The following FAM135A variants were observed in gnomAD, a reference collection of about 807,000 sequenced individuals.
FAM135A encodes the protein protein FAM135A.
Under a neutral mutation model 146.8 loss-of-function variants are expected in FAM135A, and 79 were observed. The observed-to-expected ratio is 0.54, with a 90% CI of 0.45 to 0.65. The LOEUF is 0.65. Ranked by LOEUF, FAM135A falls within the 30% of genes least tolerant of loss-of-function variation. The probability of loss-of-function intolerance (pLI) is 0.00; values close to 1 mark genes in which losing one functional copy is unlikely to be tolerated. For synonymous variants in FAM135A, 562 were observed against 603.6 expected, an observed-to-expected ratio of 0.93 and a Z score of 1.01; for missense variants, 1,623 against 1,758.2, an observed-to-expected ratio of 0.92 and a Z score of 1.38.
chr6:70,457,624 A>C (rs1012786948), intron 5 of FAM135A, among the ~76,000 whole-genome samples: 4 of 152,160 alleles, frequency 2.6e-5, no homozygotes, highest in Non-Finnish European at 5.9e-5. Context: ...AAATGAATTT[A>C]TTTTATGGAC....
intron 12 of FAM135A, among the ~76,000 whole-genome samples, chr6:70,511,831 G>A (rs924990237): frequency 4.0e-5 from 6 of 151,758 alleles, no homozygotes; most frequent in Admixed American, 3.3e-4. Context: ...TTACTCCTAC[G>A]CTACAAACCT....
At chr6:70,505,771 G>A (rs377550076) in intron 12 of FAM135A, among the ~76,000 whole-genome samples, 16 of 151,530 alleles carry the variant, frequency 1.1e-4, no homozygotes, top group African/African-American at 2.9e-4. Flanking sequence ...TTGTCTTTTC[G>A]AAAAAGCAAT....
intron 20 of FAM135A, 147 bp downstream of exon 20, chr6:70,538,548 T>C: frequency 2.3e-6 from 1 of 428,686 alleles, no homozygotes; most frequent in African/African-American, 2.0e-5. Context: ...AACAGCAAAC[T>C]CAGAACTGAA....
At position 70,525,913 on chromosome 6, in the gene FAM135A, C is replaced by T; in HGVS notation, c.2829C>T (p.Asn943=). The T allele has an allele frequency of 6.2e-7, 1 of 1,613,344 alleles. No homozygotes were observed. The highest frequency in any genetic ancestry group is 8.5e-7 in the Non-Finnish European group (1 of 1,179,578). Residue 943 remains asparagine, a synonymous_variant, in exon 15 of 22, where the codon AAC becomes AAT. Coordinates refer to ENST00000418814, the MANE Select transcript of FAM135A (RefSeq NM_001162529.3). ...DVKSSCSSKP[N]LDTMCKGFQS... ...AAAGTAGTTGCAGCTCCAAACCTAA[C>T]TTGGATACTATGTGTAAAGGCTTCC...
chr6:70,461,907 G>A (rs1779517860), intron 5 of FAM135A, among the ~76,000 whole-genome samples: 1 of 152,154 alleles, frequency 6.6e-6, no homozygotes, highest in Admixed American at 6.5e-5. Flanking sequence ...CAGTGTGTAT[G>A]TAAAAATTAA....
chr6:70,490,397 A>C (rs939721719), intron 10 of FAM135A, among the ~76,000 whole-genome samples: 5 of 152,056 alleles, frequency 3.3e-5, no homozygotes, highest in Non-Finnish European at 1.5e-5. Context: ...TTCCTGGTAA[A>C]TATTATCATT....
chr6:70,472,892 G>A (rs6906572), intron 5 of FAM135A, among the ~76,000 whole-genome samples: 7,027 of 152,206 alleles, frequency 0.046, 359 homozygotes, highest in African/African-American at 0.11. Context: ...TAGGTGATAC[G>A]TGGTTTCTAT....
intron 5 of FAM135A, among the ~76,000 whole-genome samples, chr6:70,468,029 CT>C (rs1375633986): frequency 3.9e-5 from 6 of 152,202 alleles, no homozygotes; most frequent in East Asian, 3.9e-4. Flanking sequence ...TTGTCTGAGC[CT>C]CATTTTAGGG....
chr6:70,492,187 A>G (rs1215630744), intron 11 of FAM135A, among the ~76,000 whole-genome samples: 1 of 151,894 alleles, frequency 6.6e-6, no homozygotes, highest in Non-Finnish European at 1.5e-5. Flanking sequence ...TCTCTAAAAG[A>G]ATAAAAAGAC....
intron 12 of FAM135A, among the ~76,000 whole-genome samples, chr6:70,507,086 T>C (rs928726465): frequency 6.6e-6 from 1 of 152,028 alleles, no homozygotes; most frequent in African/African-American, 2.4e-5. Flanking sequence ...CTTTGGAATT[T>C]TACCTAGCGC....
chr6:70,541,761 C>G (rs1797967254), intron 20 of FAM135A, among the ~76,000 whole-genome samples: 1 of 152,134 alleles, frequency 6.6e-6, no homozygotes, highest in East Asian at 1.9e-4. Flanking sequence ...TGCTTCAAAT[C>G]TAGTGTTTTC....
chr6:70,498,276 T>C (rs143574634), intron 11 of FAM135A, among the ~76,000 whole-genome samples: 3,108 of 152,330 alleles, frequency 0.02, 103 homozygotes, highest in African/African-American at 0.07. Context: ...GTGTTGATAG[T>C]ATTCTCTGAT....
At chr6:70,427,270 G>A (rs552337192) in intron 3 of FAM135A, among the ~76,000 whole-genome samples, 2 of 152,262 alleles carry the variant, frequency 1.3e-5, no homozygotes, top group Admixed American at 6.5e-5. Flanking sequence ...GGTGGTTCAT[G>A]CCTGTAATCC....
intron 11 of FAM135A, among the ~76,000 whole-genome samples, 184 bp downstream of exon 11, chr6:70,491,267 A>G (rs1264235449): frequency 6.6e-6 from 1 of 151,676 alleles, no homozygotes; most frequent in Admixed American, 6.6e-5. Context: ...CATGAAGTTA[A>G]CTTACCTTTT....
intron 20 of FAM135A, among the ~76,000 whole-genome samples, chr6:70,550,444 A>G (rs1053734065): frequency 2.6e-5 from 4 of 152,252 alleles, no homozygotes; most frequent in Non-Finnish European, 4.4e-5. Flanking sequence ...TGGAAACATC[A>G]TTAATCTCCT....
intron 5 of FAM135A, among the ~76,000 whole-genome samples, chr6:70,468,702 T>A (rs1483485659): frequency 6.6e-6 from 1 of 152,216 alleles, no homozygotes; most frequent in African/African-American, 2.4e-5. Flanking sequence ...CATAGAAGAC[T>A]CTTGTCTGTC....
Position 70,502,934 on chromosome 6 carries a change from C to T in FAM135A, c.1029+143C>T, listed in dbSNP as rs1251546038. 6.2e-6 allele frequency: 5 copies of T among 812,672 alleles called. No homozygotes were observed. The East Asian group carries it at 1.4e-4, about 22-fold the overall frequency. The allele number at this position is 812,672 out of a possible 1,614,324, so 50.3% of individuals were successfully genotyped here. ...TTGTCATATTGTTATTGTTTGACTTCCAAAATTAATAATAGAATAGAACAA... is the reference window on the plus strand; with the variant it reads ...TTGTCATATTGTTATTGTTTGACTTTCAAAATTAATAATAGAATAGAACAA... On this transcript the variant is annotated intron_variant, in intron 12 of 21. Coordinates refer to ENST00000418814, the MANE Select transcript of FAM135A (RefSeq NM_001162529.3).
At chr6:70,455,534 AATAG>A (rs1392907727) in intron 5 of FAM135A, among the ~76,000 whole-genome samples, 3 of 152,168 alleles carry the variant, frequency 2.0e-5, no homozygotes, top group African/African-American at 7.2e-5. Context: ...TTATTGCCAT[AATAG>A]ATCATCTTTT....
chr6:70,483,560 A>G (rs796348066), intron 10 of FAM135A, among the ~76,000 whole-genome samples: 1 of 152,196 alleles, frequency 6.6e-6, no homozygotes, highest in Non-Finnish European at 1.5e-5. Flanking sequence ...TCTTTTGAAA[A>G]TGAATCATTT....
Sources: gnomAD v4.1 joint callset for allele counts (sites outside exome capture counted in the v4.1 genomes callset) on GRCh38, gnomAD v4.1.1 for gene constraint, MANE v1.5 for transcripts, NCBI Gene and HGNC (gene_info 2026-07-23, HGNC 2026-07-21) for gene names.